Variants in GPC6 observed in about 807,000 individuals in gnomAD.
The protein encoded by GPC6 is glypican-6.
Under a neutral mutation model 55.2 loss-of-function variants are expected in GPC6, and 14 were observed. The ratio of observed to expected loss-of-function variants is 0.25; its 90% CI spans 0.17 to 0.40. The LOEUF (loss-of-function observed/expected upper bound fraction) is 0.40, where lower values mean the gene tolerates loss of function less well. Among genes scored for constraint, GPC6 ranks in the 10% least tolerant of loss-of-function variants. The pLI is 1.00. For missense variants in GPC6, 641 were observed against 708.5 expected, an observed-to-expected ratio of 0.90 and a Z score of 1.08; for synonymous variants, 278 against 259.6, an observed-to-expected ratio of 1.07 and a Z score of -0.68.
In GPC6 at chr13:93,668,894, A is replaced by G. The variant is rs559906130; in HGVS notation, c.319+123473A>G. 2.6e-5 allele frequency among the ~76,000 whole-genome samples: 4 copies of G among 152,334 alleles called. No homozygotes were observed. In the South Asian group the frequency reaches 8.3e-4, roughly 32 times the overall value. ...TGCTTACCTGGAAACACTTAGATAC[A>G]TGTAATGGATTTCAACCTAAGATCA... On this transcript the variant is annotated intron_variant, in intron 2 of 8. Coordinates refer to ENST00000377047, the MANE Select transcript of GPC6 (RefSeq NM_005708.5).
intron 2 of GPC6, among the ~76,000 whole-genome samples, chr13:93,711,158 T>A (rs960069155): frequency 6.6e-6 from 1 of 151,742 alleles, no homozygotes; most frequent in East Asian, 1.9e-4. Context: ...AAATGGTACA[T>A]CTGAAAGAAG....
intron 1 of GPC6, among the ~76,000 whole-genome samples, chr13:93,514,941 G>T (rs1225221911): frequency 6.6e-6 from 1 of 152,168 alleles, no homozygotes; most frequent in African/African-American, 2.4e-5. Flanking sequence ...CTGAATATTT[G>T]TGTGTCTCCC....
At chr13:93,685,462 T>A (rs565005400) in intron 2 of GPC6, among the ~76,000 whole-genome samples, 1 of 152,360 alleles carries the variant, frequency 6.6e-6, no homozygotes, top group Admixed American at 6.5e-5. Flanking sequence ...TTGTATTTTG[T>A]TATTTTTAAT....
In GPC6 at chr13:94,196,228, T is replaced by A. The variant is rs898084804; in HGVS notation, c.878-90121T>A. ...AATTAGGGTTTACAGCACAAGAATA[T>A]CTCTTATAAGAGGGAGGATTTTTTT... On this transcript the variant is annotated intron_variant, in intron 4 of 8. Transcript: ENST00000377047. 7.0e-4 allele frequency among the ~76,000 whole-genome samples: 107 copies of A among 151,848 alleles called. 1 individual carries two copies. Among genetic ancestry groups the A allele is most frequent in the Non-Finnish European group, 1.3e-3 (85 of 67,976 alleles).
chr13:94,029,605 C>T (rs1165129008), intron 4 of GPC6, among the ~76,000 whole-genome samples: 1 of 152,148 alleles, frequency 6.6e-6, no homozygotes, highest in East Asian at 1.9e-4. Flanking sequence ...ATATAGTCAT[C>T]CATATTTTTA....
At chr13:93,975,233 T>A (rs561382567) in intron 3 of GPC6, among the ~76,000 whole-genome samples, 136 of 152,322 alleles carry the variant, frequency 8.9e-4, no homozygotes, top group African/African-American at 3.2e-3. Flanking sequence ...AAAATTTTTT[T>A]AATCTATATT....
chr13:94,331,922 T>C (rs1290226683), intron 6 of GPC6, among the ~76,000 whole-genome samples: 3 of 152,230 alleles, frequency 2.0e-5, no homozygotes, highest in African/African-American at 7.2e-5. Context: ...ACATGTGCTC[T>C]TCTCTCTCTT....
chr13:93,269,527 T>C (rs901651697), intron 1 of GPC6, among the ~76,000 whole-genome samples: 1 of 152,152 alleles, frequency 6.6e-6, no homozygotes, highest in Non-Finnish European at 1.5e-5. Context: ...TCTATTGTCC[T>C]GTGTTTCTTA....
chr13:93,261,963 C>G (rs1016142640), intron 1 of GPC6, among the ~76,000 whole-genome samples: 12 of 148,330 alleles, frequency 8.1e-5, no homozygotes, highest in Middle Eastern at 3.4e-3. Flanking sequence ...CACACACACA[C>G]ACACTTGCAT....
At chr13:93,788,341 T>C (rs1319811660) in intron 2 of GPC6, among the ~76,000 whole-genome samples, 4 of 152,086 alleles carry the variant, frequency 2.6e-5, no homozygotes, top group Non-Finnish European at 5.9e-5. Context: ...CTTTATCTTA[T>C]TCACAAGAAA....
At chr13:93,830,568 T>C in intron 3 of GPC6, 23 bp downstream of exon 3, 1 of 1,583,934 alleles carries the variant, frequency 6.3e-7, no homozygotes, top group Non-Finnish European at 8.6e-7. Flanking sequence ...GTGCTTTCTT[T>C]CTCATTGGTG....
intron 2 of GPC6, among the ~76,000 whole-genome samples, chr13:93,625,162 G>A (rs1410055680): frequency 1.3e-5 from 2 of 152,070 alleles, no homozygotes; most frequent in African/African-American, 4.8e-5. Context: ...TTATTTTAGA[G>A]TGAGTTTATA....
intron 6 of GPC6, among the ~76,000 whole-genome samples, chr13:94,372,096 T>A (rs1346819952): frequency 6.6e-6 from 1 of 152,124 alleles, no homozygotes; most frequent in Non-Finnish European, 1.5e-5. Flanking sequence ...TCTTTTTTCC[T>A]TCTCTTTGTT....
intron 4 of GPC6, among the ~76,000 whole-genome samples, chr13:94,036,727 CCT>C (rs1317994893): frequency 6.6e-6 from 1 of 151,888 alleles, no homozygotes; most frequent in Non-Finnish European, 1.5e-5. Flanking sequence ...CGGCAGTGAC[CCT>C]CTCCTACCTC....
chr13:93,265,528 T>A (rs1056144732), intron 1 of GPC6, among the ~76,000 whole-genome samples: 10 of 152,204 alleles, frequency 6.6e-5, no homozygotes, highest in African/African-American at 2.4e-4. Context: ...GAGGTGTATG[T>A]GAAACATAAA....
chr13:94,103,498 C>A (rs1428149750), intron 4 of GPC6, among the ~76,000 whole-genome samples: 1 of 152,190 alleles, frequency 6.6e-6, no homozygotes, highest in Non-Finnish European at 1.5e-5. Context: ...TTTACACTCC[C>A]ACCAACAGTG....
intron 2 of GPC6, among the ~76,000 whole-genome samples, chr13:93,821,103 T>C (rs1887030778): frequency 6.6e-6 from 1 of 152,194 alleles, no homozygotes; most frequent in African/African-American, 2.4e-5. Flanking sequence ...ATGCTAAGGA[T>C]TGGCAAAATT....
rs373617424 is a variant in GPC6 at position 93,595,496 on chromosome 13, C to G, written c.319+50075C>G. ...GCAACCTAGGCTGTTATTTGGTATA[C>G]TATATATTTTTGAATTTCAGTGAAC... On this transcript the variant is annotated intron_variant, in intron 2 of 8. Transcript: ENST00000377047. Among the ~76,000 whole-genome samples the G allele has an allele frequency of 3.9e-5, 6 of 152,210 alleles. No homozygotes were observed. In the South Asian group the frequency reaches 1.2e-3, roughly 32 times the overall value.
chr13:93,851,731 A>G lies in GPC6; in HGVS notation c.711+21186A>G, dbSNP rs560141535. The stretch of plus-strand genomic sequence containing the variant: ...TATTTACTCTACAGTTTGTTAAATC[A>G]ATATGCAGGTGAATCTAGTATATCA... On this transcript the variant is annotated intron_variant, in intron 3 of 8. Transcript: ENST00000377047. 1.4e-3 allele frequency among the ~76,000 whole-genome samples: 206 copies of G among 152,018 alleles called. 1 individual carries two copies. The highest frequency in any genetic ancestry group is 4.6e-3 in the African/African-American group (190 of 41,534).
Sources: gnomAD v4.1 joint callset for allele counts (sites outside exome capture counted in the v4.1 genomes callset) on GRCh38, gnomAD v4.1.1 for gene constraint, MANE v1.5 for transcripts, NCBI Gene and HGNC (gene_info 2026-07-23, HGNC 2026-07-21) for gene names.